The following PDE7B variants were observed in gnomAD, a reference collection of about 807,000 sequenced individuals.
PDE7B encodes phosphodiesterase 7B.
Under a neutral mutation model 56.2 loss-of-function variants are expected in PDE7B, and 29 were observed. The observed-to-expected ratio is 0.52, with a 90% CI of 0.38 to 0.70. The LOEUF (loss-of-function observed/expected upper bound fraction) is 0.70. Among genes scored for constraint, PDE7B ranks in the 30% least tolerant of loss-of-function variants. The pLI, the probability that PDE7B is intolerant of heterozygous loss-of-function variation, is 0.00. For missense variants in PDE7B, 490 were observed against 565.0 expected (o/e 0.87, Z 1.35); for synonymous variants, 197 against 196.9 (o/e 1.00, Z 0.00).
chr6:136,156,167 G>GTGTGTGTGTA (rs1778600843), intron 8 of PDE7B: 3 of 288,010 alleles, frequency 1.0e-5, no homozygotes, highest in Non-Finnish European at 2.0e-5. Flanking sequence ...ATCCAAGTGT[G>GTGTGTGTGTA]TGTGTGTGTG....
chr6:136,172,322 T>C (rs1001277620), intron 8 of PDE7B, among the ~76,000 whole-genome samples: 6 of 152,208 alleles, frequency 3.9e-5, no homozygotes, highest in Non-Finnish European at 8.8e-5. Context: ...TTTTTAATGA[T>C]TGCCATTCTA....
At chr6:135,990,761 A>G (rs1406292066) in intron 2 of PDE7B, among the ~76,000 whole-genome samples, 1 of 152,246 alleles carries the variant, frequency 6.6e-6, no homozygotes, top group African/African-American at 2.4e-5. Context: ...AGGGGTCCCA[A>G]TCCAGACCCC....
intron 2 of PDE7B, among the ~76,000 whole-genome samples, chr6:136,051,080 C>A (rs1776617311): frequency 6.7e-6 from 1 of 149,910 alleles, no homozygotes; most frequent in African/African-American, 2.5e-5. Flanking sequence ...CTACTCTGAA[C>A]CATTGCAGAA....
intron 9 of PDE7B, among the ~76,000 whole-genome samples, chr6:136,176,283 TTCAG>T (rs1308279065): frequency 5.9e-5 from 9 of 152,116 alleles, no homozygotes; most frequent in South Asian, 2.1e-4. Context: ...CAATTATAAA[TTCAG>T]TAAGTATTCA....
At chr6:135,981,954 C>A (rs912272006) in intron 2 of PDE7B, among the ~76,000 whole-genome samples, 1 of 152,042 alleles carries the variant, frequency 6.6e-6, no homozygotes, top group African/African-American at 2.4e-5. Flanking sequence ...ATAAACAGTG[C>A]GATGCACTGT....
intron 2 of PDE7B, among the ~76,000 whole-genome samples, chr6:135,994,144 G>GTA (rs1775523022): frequency 6.6e-6 from 1 of 151,480 alleles, no homozygotes; most frequent in Non-Finnish European, 1.5e-5. Context: ...GTGTGTGTGT[G>GTA]TGTGTGTGTG....
At position 135,998,453 on chromosome 6, in the gene PDE7B, G is replaced by C. The variant is rs550621738; in HGVS notation, c.82+50929G>C. On this transcript the variant is annotated intron_variant, in intron 2 of 12. Transcript: ENST00000308191. ...TATTTTTCAACCTTGCCTTAAAATT[G>C]ACAAACATAATTAAAACTCCTGGCC... 2.0e-5 allele frequency among the ~76,000 whole-genome samples: 3 copies of C among 151,962 alleles called. No homozygotes were observed. The South Asian group carries it at 6.2e-4, about 32-fold the overall frequency.
chr6:136,063,400 A>G (rs1384191363), intron 2 of PDE7B, among the ~76,000 whole-genome samples: 1 of 152,200 alleles, frequency 6.6e-6, no homozygotes, highest in African/African-American at 2.4e-5. Flanking sequence ...CAAAGGAACT[A>G]TGTATACTCA....
At chr6:135,901,994 A>T (rs943535798) in intron 1 of PDE7B, among the ~76,000 whole-genome samples, 2 of 152,116 alleles carry the variant, frequency 1.3e-5, no homozygotes, top group Non-Finnish European at 2.9e-5. Flanking sequence ...GTTGAACGAT[A>T]TCATCTCTAA....
chr6:136,073,489 A>T (rs935117452), intron 2 of PDE7B, among the ~76,000 whole-genome samples: 1 of 152,126 alleles, frequency 6.6e-6, no homozygotes, highest in Non-Finnish European at 1.5e-5. Context: ...GCATCTGTGG[A>T]GTTGGTTTCT....
intron 2 of PDE7B, among the ~76,000 whole-genome samples, chr6:136,043,453 T>C (rs117358911): frequency 6.6e-6 from 1 of 151,980 alleles, no homozygotes; most frequent in Non-Finnish European, 1.5e-5. Context: ...TCTCCATTAC[T>C]GAACTGTGTG....
chr6:136,026,645 C>T (rs909277756), intron 2 of PDE7B, among the ~76,000 whole-genome samples: 2 of 152,142 alleles, frequency 1.3e-5, no homozygotes, highest in Non-Finnish European at 2.9e-5. Flanking sequence ...CCTTCTAAAG[C>T]CTGATAGTAT....
intron 8 of PDE7B, among the ~76,000 whole-genome samples, chr6:136,165,016 T>A (rs1010829381): frequency 1.3e-5 from 2 of 152,204 alleles, no homozygotes; most frequent in African/African-American, 4.8e-5. Context: ...CCACTTATAT[T>A]TATGATTTTT....
At chr6:136,120,207 G>A (rs180876410) in intron 3 of PDE7B, among the ~76,000 whole-genome samples, 4 of 152,274 alleles carry the variant, frequency 2.6e-5, no homozygotes, top group Admixed American at 2.0e-4. Flanking sequence ...AGTAGAGAAT[G>A]GCCTATTAAC....
intron 1 of PDE7B, among the ~76,000 whole-genome samples, chr6:135,865,433 T>C (rs1775236243): frequency 1.3e-5 from 2 of 152,212 alleles, no homozygotes; most frequent in Admixed American, 1.3e-4. Context: ...TTTCTAGCTT[T>C]CTGTCAAAAT....
At chr6:135,936,304 G>T (rs999324625) in intron 1 of PDE7B, among the ~76,000 whole-genome samples, 2 of 152,194 alleles carry the variant, frequency 1.3e-5, no homozygotes, top group African/African-American at 4.8e-5. Context: ...CTGGACATCA[G>T]ATAGGCAAAT....
intron 2 of PDE7B, chr6:136,033,940 G>C (rs893047587): frequency 6.6e-6 from 1 of 151,890 alleles, no homozygotes; most frequent in Non-Finnish European, 1.5e-5. Flanking sequence ...GGAGAGGAAA[G>C]TTCAGGACAA....
intron 3 of PDE7B, among the ~76,000 whole-genome samples, chr6:136,129,950 C>T (rs1235399827): frequency 6.6e-6 from 1 of 152,118 alleles, no homozygotes; most frequent in Non-Finnish European, 1.5e-5. Context: ...TCATCCCCTG[C>T]CAGTTGCATC....
intron 3 of PDE7B, among the ~76,000 whole-genome samples, chr6:136,129,876 G>A (rs994089787): frequency 4.6e-5 from 7 of 152,136 alleles, no homozygotes; most frequent in African/African-American, 1.7e-4. Flanking sequence ...ATGAGAGAAG[G>A]CAAGAGAAAC....
Sources: allele counts gnomAD v4.1 joint callset (sites outside exome capture counted in the v4.1 genomes callset), GRCh38; gene constraint gnomAD v4.1.1; transcripts MANE v1.5; gene names NCBI Gene and HGNC (gene_info 2026-07-23, HGNC 2026-07-21).